Variants in CRTAC1 observed in about 807,000 individuals in gnomAD.
The protein encoded by CRTAC1 is cartilage acidic protein 1.
In CRTAC1, 37 loss-of-function variants were observed where a neutral mutation model predicts 67.8. That is an observed-to-expected ratio of 0.55 (90% CI 0.42 to 0.72). CRTAC1 has a LOEUF of 0.72. CRTAC1 is among the 30% of genes least tolerant of loss of function. The pLI, the probability that CRTAC1 is intolerant of heterozygous loss-of-function variation, is 0.00. For missense variants in CRTAC1, 780 were observed against 931.6 expected (o/e 0.84, Z 2.12); for synonymous variants, 348 against 371.0 (o/e 0.94, Z 0.71).
At position 97,952,793 on chromosome 10, in the gene CRTAC1, G is replaced by A. The variant is rs144321473; in HGVS notation, c.225-16427C>T. 3.2e-3 allele frequency among the ~76,000 whole-genome samples: 493 copies of A among 152,314 alleles called. 4 individuals are homozygous for A. Among genetic ancestry groups the A allele is most frequent in the Middle Eastern group, 0.014 (4 of 294 alleles). ...CAAATCTTGTCTGTGCCATTTAGGAGTTTATAATATCACTACAGTTGAACA... is the reference window on the plus strand; with the variant it reads ...CAAATCTTGTCTGTGCCATTTAGGAATTTATAATATCACTACAGTTGAACA... On this transcript the variant is annotated intron_variant, in intron 2 of 14. Coordinates refer to ENST00000370597, the MANE Select transcript of CRTAC1 (RefSeq NM_018058.7).
intron 2 of CRTAC1, among the ~76,000 whole-genome samples, chr10:97,973,220 G>T (rs1181016470): frequency 6.6e-6 from 1 of 151,934 alleles, no homozygotes; most frequent in Non-Finnish European, 1.5e-5. Context: ...GCTGTTAATT[G>T]CCTGACAGGA....
At chr10:97,871,507 C>G (rs2050093104) in intron 14 of CRTAC1, 1 of 152,384 alleles carries the variant, frequency 6.6e-6, no homozygotes, top group Middle Eastern at 3.4e-3. Context: ...GCTTCAGATT[C>G]TGGCATAGAA....
intron 1 of CRTAC1, 103 bp from the exon 2 acceptor site, chr10:98,011,440 AT>A: frequency 1.5e-6 from 2 of 1,354,914 alleles, no homozygotes; most frequent in Non-Finnish European, 2.1e-6. Context: ...TCTCCCATTC[AT>A]GGAGAGCTTG....
rs547161367 is a variant in CRTAC1 at position 97,875,622 on chromosome 10, C to T, written c.1819+4627G>A. 8.5e-5 allele frequency among the ~76,000 whole-genome samples: 13 copies of T among 152,212 alleles called. No homozygotes were observed. The South Asian group carries it at 2.7e-3, about 32-fold the overall frequency. On this transcript the variant is annotated intron_variant, in intron 14 of 14. Transcript: ENST00000370597. Reference sequence around the variant, plus strand: ...AAGACTGGCCCTGGGCACAGGGAGGCAGGGAGGGGCTCGGTTTGCCTTCTG... The same window carrying T: ...AAGACTGGCCCTGGGCACAGGGAGGTAGGGAGGGGCTCGGTTTGCCTTCTG...
At chr10:97,880,755 G>C (rs2050202268) in intron 13 of CRTAC1, among the ~76,000 whole-genome samples, 1 of 152,154 alleles carries the variant, frequency 6.6e-6, no homozygotes, top group African/African-American at 2.4e-5. Context: ...GGATGTCTAA[G>C]ATGCACCTCA....
In CRTAC1 at chr10:98,002,761, C is replaced by CTGTTTTTTTTTT. The variant is rs771351655; in HGVS notation, c.224+8376_224+8377insAAAAAAAAAACA. On this transcript the variant is annotated intron_variant, in intron 2 of 14. Coordinates refer to ENST00000370597, the MANE Select transcript of CRTAC1 (RefSeq NM_018058.7). ...TTTTAGGAATTCTTTACAAAACTCA[C>CTGTTTTTTTTTT]TTTTTTTTTTTTTTTTTTTTTTTTT... Among the ~76,000 whole-genome samples, 21 of 37,296 alleles carry CTGTTTTTTTTTT rather than the reference C, an allele frequency of 5.6e-4. 2 individuals carry two copies. The highest frequency in any genetic ancestry group is 1.4e-3 in the South Asian group (1 of 716). 24.5% of individuals were successfully genotyped at this position (37,296 alleles called of 152,430 possible).
chr10:97,919,795 G>C, intron 4 of CRTAC1, among the ~76,000 whole-genome samples: 1 of 14,928 alleles, frequency 6.7e-5, no homozygotes. Flanking sequence ...TTAAGACAGG[G>C]TCTCCCTCTG....
chr10:97,988,968 C>T (rs1404239798), intron 2 of CRTAC1, among the ~76,000 whole-genome samples: 2 of 152,158 alleles, frequency 1.3e-5, no homozygotes, highest in African/African-American at 4.8e-5. Context: ...TGCCCTCTGC[C>T]ATGTGAAGGA....
rs185587855 is a variant in CRTAC1 at position 97,908,105 on chromosome 10, G to T, written c.758C>A (p.Ala253Asp). ...VSVGPILSSS[A>D]SDIFCDNENG... ...CTCATTGTCGCAGAAGATATCCGAG[G>T]CACTGCTGCTGAGGATGGGGCCCAC... is the stretch of plus-strand genomic sequence containing the variant. The change falls in exon 6 of 15, where the codon GCC becomes GAC. Residue 253 changes from alanine (A) to aspartate (D), a missense_variant. Ala to Asp is a moderately radical substitution (Grantham distance 126). Coordinates refer to ENST00000370597, the MANE Select transcript of CRTAC1 (RefSeq NM_018058.7). 3.7e-6 allele frequency: 6 copies of T among 1,614,110 alleles called. No homozygotes were observed. In the Admixed American group the frequency reaches 1.0e-4, roughly 27 times the overall value.
At chr10:97,985,135 C>T (rs7096059) in intron 2 of CRTAC1, among the ~76,000 whole-genome samples, 401 of 151,940 alleles carry the variant, frequency 2.6e-3, no homozygotes, top group African/African-American at 8.7e-3. Context: ...CTGAAACTGC[C>T]CACAAAAGGG....
At chr10:97,946,087 G>A (rs1344142814) in intron 2 of CRTAC1, among the ~76,000 whole-genome samples, 1 of 152,220 alleles carries the variant, frequency 6.6e-6, no homozygotes, top group Non-Finnish European at 1.5e-5. Flanking sequence ...TGATGATGAC[G>A]AAGACCATAA....
chr10:97,885,709 A>G (rs1399359335), intron 11 of CRTAC1, among the ~76,000 whole-genome samples: 1 of 152,092 alleles, frequency 6.6e-6, no homozygotes, highest in East Asian at 1.9e-4. Flanking sequence ...GCCCCTGGGA[A>G]GGAGAGCTGT....
In CRTAC1 at chr10:97,895,315, G is replaced by A. The variant is rs115126187; in HGVS notation, c.1416C>T (p.Ala472=). 3.0e-3 allele frequency: 4,920 copies of A among 1,613,796 alleles called. 54 individuals carry two copies. The highest frequency in any genetic ancestry group is 0.027 in the African/African-American group (2,043 of 74,984). Residue 472 remains alanine (A), a synonymous_variant, in exon 11 of 15, where the codon GCC becomes GCT. Transcript: ENST00000370597. This position sits in a 1 kb window ranked among gnomAD's most constrained non-coding sequence, Gnocchi z 4.2. ...KVVLYTKKSG[A]HLRIIDGGSG... is the part of the protein sequence containing the mutation. ...AGCCCCCGTCGATGATCCTCAGGTGGGCCCCACTCTTCTTGGTGTAGAGCA... is the reference window on the plus strand; with the variant it reads ...AGCCCCCGTCGATGATCCTCAGGTGAGCCCCACTCTTCTTGGTGTAGAGCA...
intron 5 of CRTAC1, among the ~76,000 whole-genome samples, chr10:97,911,206 C>A (rs1408092529): frequency 1.3e-5 from 2 of 152,250 alleles, no homozygotes; most frequent in African/African-American, 4.8e-5. Flanking sequence ...TGCCTCCACG[C>A]AGCTCCATCC....
intron 8 of CRTAC1, among the ~76,000 whole-genome samples, chr10:97,901,146 C>T (rs112032179): frequency 7.6e-6 from 1 of 131,266 alleles, no homozygotes; most frequent in African/African-American, 3.5e-5. Context: ...AGTGATTGGA[C>T]CCCGTAGCCC....
intron 5 of CRTAC1, among the ~76,000 whole-genome samples, chr10:97,914,823 G>A (rs1037612090): frequency 6.6e-6 from 1 of 152,174 alleles, no homozygotes; most frequent in Admixed American, 6.5e-5. Context: ...TGGGGACCAG[G>A]GGATGGGAGA....
At chr10:97,965,606 G>A (rs1377674753) in intron 2 of CRTAC1, among the ~76,000 whole-genome samples, 1 of 152,014 alleles carries the variant, frequency 6.6e-6, no homozygotes, top group East Asian at 1.9e-4. Context: ...GATTGTAATG[G>A]AGTTGTTGTT....
chr10:97,883,458 G>A (rs528448620), intron 12 of CRTAC1, among the ~76,000 whole-genome samples: 27 of 152,314 alleles, frequency 1.8e-4, no homozygotes, highest in South Asian at 2.1e-4. Context: ...GACTAAAAAC[G>A]TAACACACAT....
chr10:97,998,642 T>C (rs1054166198), intron 2 of CRTAC1, among the ~76,000 whole-genome samples: 8 of 152,050 alleles, frequency 5.3e-5, no homozygotes, highest in African/African-American at 1.9e-4. Context: ...GGTAACATCT[T>C]TGGAATTAAA....
Sources: gnomAD v4.1 joint callset for allele counts (sites outside exome capture counted in the v4.1 genomes callset) on GRCh38, gnomAD v4.1.1 for gene constraint, Gnocchi (gnomAD v3.1) non-coding constraint, MANE v1.5 for transcripts, NCBI Gene and HGNC (gene_info 2026-07-23, HGNC 2026-07-21) for gene names.